HIPK2: variants seen among roughly 807,000 people sequenced by gnomAD.
HIPK2 encodes the protein homeodomain-interacting protein kinase 2.
A neutral mutation model predicts 113.7 loss-of-function variants in HIPK2; 27 were observed. The observed-to-expected ratio is 0.24, with a 90% CI of 0.17 to 0.33. The LOEUF (loss-of-function observed/expected upper bound fraction) is 0.33. Among genes scored for constraint, HIPK2 ranks in the 10% least tolerant of loss-of-function variants. HIPK2 has a pLI of 1.00. For synonymous variants in HIPK2, 631 were observed against 642.2 expected, an observed-to-expected ratio of 0.98 and a Z score of 0.26; for missense variants, 1,257 against 1,588.0, an observed-to-expected ratio of 0.79 and a Z score of 3.54.
chr7:139,574,781 G>A (rs1798431612), intron 14 of HIPK2, among the ~76,000 whole-genome samples: 1 of 152,220 alleles, frequency 6.6e-6, no homozygotes. Context: ...TGATGTCCCA[G>A]GCCGACAGGG....
chr7:139,673,885 T>TAAAAAAAAAAA (rs60905469), intron 2 of HIPK2, among the ~76,000 whole-genome samples: 3 of 73,454 alleles, frequency 4.1e-5, no homozygotes, highest in East Asian at 7.5e-4. Flanking sequence ...CTATCTGTAC[T>TAAAAAAAAAAA]AAAAAAAAAA....
intron 2 of HIPK2, among the ~76,000 whole-genome samples, chr7:139,655,611 T>G (rs540634023): frequency 6.6e-6 from 1 of 152,232 alleles, no homozygotes; most frequent in African/African-American, 2.4e-5. Context: ...AAGGTGGCAA[T>G]GCTTGTCCCT....
intron 9 of HIPK2, among the ~76,000 whole-genome samples, chr7:139,606,859 A>G (rs1569452503): frequency 6.6e-6 from 1 of 152,244 alleles, no homozygotes; most frequent in Non-Finnish European, 1.5e-5. Flanking sequence ...ATAGGAATGA[A>G]TAGCTAATGA....
intron 9 of HIPK2, among the ~76,000 whole-genome samples, chr7:139,610,372 C>A (rs1799771844): frequency 6.6e-6 from 1 of 152,148 alleles, no homozygotes; most frequent in South Asian, 2.1e-4. Flanking sequence ...GGATTTTTGC[C>A]ACTCAGATAA....
At chr7:139,575,375 CAGG>C in intron 13 of HIPK2, 87 bp from the exon 14 acceptor site, 14 of 1,416,450 alleles carry the variant, frequency 9.9e-6, no homozygotes, top group Non-Finnish European at 1.3e-5. Flanking sequence ...AGTGGTCTTC[CAGG>C]AAGAAACATG....
chr7:139,672,921 C>A (rs1424597830), intron 2 of HIPK2, among the ~76,000 whole-genome samples: 1 of 152,144 alleles, frequency 6.6e-6, no homozygotes, highest in African/African-American at 2.4e-5. Flanking sequence ...CATGGTATGA[C>A]TCAATGTTTT....
At chr7:139,583,785 G>C (rs778516499) in intron 13 of HIPK2, 32 bp downstream of exon 13, 1 of 1,598,098 alleles carries the variant, frequency 6.3e-7, no homozygotes. Context: ...TCTCCAGGGA[G>C]AGGTTCCTGC....
intron 7 of HIPK2, among the ~76,000 whole-genome samples, chr7:139,617,579 T>C (rs1412530723): frequency 6.6e-6 from 1 of 152,212 alleles, no homozygotes; most frequent in Non-Finnish European, 1.5e-5. Flanking sequence ...AAACAAGGAA[T>C]AGCTGAGAGA....
rs1442847448 is a variant in HIPK2, at chr7:139,568,174, C to G, written c.*4753G>C. ...CTTCCTGATGTCCATCCGTCTCACA[C>G]GTTGGTGTCTGGGCGGGCTGAGTCT... On this transcript the variant is annotated 3_prime_UTR_variant, in exon 15 of 15. Coordinates refer to ENST00000406875, the MANE Select transcript of HIPK2 (RefSeq NM_022740.5). 4 of 152,246 alleles carry G rather than the reference C, an allele frequency of 2.6e-5. No individual in the cohort carries two copies. The highest frequency in any genetic ancestry group is 9.7e-5 in the African/African-American group (4 of 41,428). 9.4% of individuals were successfully genotyped at this position (152,246 alleles called of 1,614,324 possible). A position where few individuals can be genotyped will look rare whatever the true frequency, so the allele number is the denominator to read the frequency against.
chr7:139,686,426 C>T lies in HIPK2; in HGVS notation c.1103+29506G>A, dbSNP rs542764757. On this transcript the variant is annotated intron_variant, in intron 2 of 14. Transcript: ENST00000406875. ...TGATATGGTTTGGCTGTGTCCCCAC[C>T]CAAATCTCATCTTGAATTGTAGTTC... 5.3e-5 allele frequency among the ~76,000 whole-genome samples: 8 copies of T among 152,192 alleles called. No homozygotes were observed. The South Asian group carries it at 1.5e-3, about 28-fold the overall frequency.
In HIPK2 at chr7:139,596,541, G is replaced by T. The variant is rs142385445; in HGVS notation, c.2717+176C>A. 752 of 384,164 alleles carry T rather than the reference G, an allele frequency of 2.0e-3. 7 individuals are homozygous for T. Among genetic ancestry groups the T allele is most frequent in the African/African-American group, 0.015 (699 of 45,774 alleles). 23.8% of individuals were successfully genotyped at this position (384,164 alleles called of 1,614,324 possible). ...ATTATTTTGGTTTTAAACAATTATG[G>T]AAAACCTGTTTGACATTCCCTTGAA... On this transcript the variant is annotated intron_variant, in intron 12 of 14. Coordinates refer to ENST00000406875, the MANE Select transcript of HIPK2 (RefSeq NM_022740.5).
rs1348746101 is a variant in HIPK2 at position 139,568,667 on chromosome 7, A to C, written c.*4260T>G. 2 of 152,258 alleles carry C rather than the reference A, an allele frequency of 1.3e-5. No individual in the cohort carries two copies. The highest frequency in any genetic ancestry group is 1.9e-4 in the East Asian group (1 of 5,192). 9.4% of individuals were successfully genotyped at this position (152,258 alleles called of 1,614,324 possible). On this transcript the variant is annotated 3_prime_UTR_variant, in exon 15 of 15. Coordinates refer to ENST00000406875, the MANE Select transcript of HIPK2 (RefSeq NM_022740.5). ...CTCTAGATGATTCGTGGGCTAAGTA[A>C]GGACTAGGTTGGCATCCCTCTGCTT...
At chr7:139,754,078 GGCT>G (rs1359409847) in intron 1 of HIPK2, among the ~76,000 whole-genome samples, 3 of 152,226 alleles carry the variant, frequency 2.0e-5, no homozygotes, top group Non-Finnish European at 4.4e-5. Flanking sequence ...CGAGGCCCCA[GGCT>G]GCTATCTGCT....
At chr7:139,653,607 C>T (rs1051155198) in intron 2 of HIPK2, among the ~76,000 whole-genome samples, 4 of 151,878 alleles carry the variant, frequency 2.6e-5, no homozygotes, top group Non-Finnish European at 5.9e-5. Flanking sequence ...CCTGGGATTA[C>T]CTGACCTGGT....
intron 1 of HIPK2, among the ~76,000 whole-genome samples, chr7:139,733,083 G>C (rs1218470248): frequency 6.6e-6 from 1 of 152,028 alleles, no homozygotes; most frequent in Admixed American, 6.6e-5. Context: ...TCTTGCTCCT[G>C]CTCTGGCCAT....
chr7:139,682,040 G>A (rs1802719409), intron 2 of HIPK2, among the ~76,000 whole-genome samples: 1 of 152,176 alleles, frequency 6.6e-6, no homozygotes. Flanking sequence ...TGCTGGTACA[G>A]ACCCTGGGCC....
chr7:139,657,973 A>G (rs771233991), intron 2 of HIPK2, among the ~76,000 whole-genome samples: 8 of 152,106 alleles, frequency 5.3e-5, no homozygotes, highest in Non-Finnish European at 1.0e-4. Context: ...CCTTGTCACT[A>G]TCTACTTTGT....
At position 139,603,979 on chromosome 7, in the gene HIPK2, C is replaced by T. The variant is rs372123859; in HGVS notation, c.2255+102G>A. On this transcript the variant is annotated intron_variant, in intron 10 of 14. Transcript: ENST00000406875. The stretch of plus-strand genomic sequence containing the variant: ...AAGCTTTAAAAAGCTCTCTACAAAC[C>T]GGGGAATTGAAGTACAGGCCAGCCT... The T allele has an allele frequency of 1.7e-5, 26 of 1,489,154 alleles. No individual in the cohort carries two copies. In the East Asian group the frequency reaches 3.4e-4, roughly 20 times the overall value. 92.2% of individuals were successfully genotyped at this position (1,489,154 alleles called of 1,614,324 possible).
rs943804783 is a variant in HIPK2 at position 139,573,092 on chromosome 7, G to T, written c.3432C>A (p.Val1144=). 1 of 1,612,008 alleles carries T rather than the reference G, an allele frequency of 6.2e-7. No homozygotes were observed. The highest frequency in any genetic ancestry group is 8.5e-7 in the Non-Finnish European group (1 of 1,179,140). Residue 1144 remains valine (V), a synonymous_variant, in exon 15 of 15, where the codon GTC becomes GTA. Transcript: ENST00000406875. The part of the protein sequence containing the change: ...TAYPASIVHQ[V]PVSMGPRVLP... The stretch of plus-strand genomic sequence containing the variant: ...GGACCCGGGGGCCCATGCTCACGGG[G>T]ACCTGGTGGACGATGCTGGCTGGGT...
Sources: allele counts gnomAD v4.1 joint callset (sites outside exome capture counted in the v4.1 genomes callset), GRCh38; gene constraint gnomAD v4.1.1; transcripts MANE v1.5; gene names NCBI Gene and HGNC (gene_info 2026-07-23, HGNC 2026-07-21).